PCNX2: variants seen among roughly 807,000 people sequenced by gnomAD.
PCNX2 encodes pecanex 2.
A neutral mutation model predicts 223.8 loss-of-function variants in PCNX2; 168 were observed. The observed-to-expected ratio is 0.75, with a 90% confidence interval of 0.66 to 0.85. The LOEUF (loss-of-function observed/expected upper bound fraction) is 0.85. Ranked by LOEUF, PCNX2 falls within the 40% of genes least tolerant of loss-of-function variation. PCNX2 has a pLI of 0.00. For missense variants in PCNX2, 2,507 were observed against 2,675.5 expected (o/e 0.94, Z 1.39); for synonymous variants, 1,006 against 1,052.6 (o/e 0.96, Z 0.86).
intron 28 of PCNX2, among the ~76,000 whole-genome samples, chr1:233,002,764 G>T (rs1167055090): frequency 6.6e-6 from 1 of 152,136 alleles, no homozygotes. Context: ...ATACTACAAG[G>T]CTACAGTAAC....
At chr1:233,294,312 G>A (rs1572218625) in intron 1 of PCNX2, among the ~76,000 whole-genome samples, 1 of 152,142 alleles carries the variant, frequency 6.6e-6, no homozygotes, top group Non-Finnish European at 1.5e-5. Flanking sequence ...TGAAAAATGA[G>A]ATATGGTAAA....
rs749678054 is a variant in PCNX2 at position 233,227,185 on chromosome 1, G to A, written c.2504+41C>T. The A allele has an allele frequency of 1.9e-6, 3 of 1,560,802 alleles. No homozygotes were observed. In the South Asian group the frequency reaches 3.7e-5, roughly 19 times the overall value. On this transcript the variant is annotated intron_variant, in intron 10 of 33. Coordinates refer to ENST00000258229, the MANE Select transcript of PCNX2 (RefSeq NM_014801.4). ...TGCAGTGGGCACTGTCACGTCCCCG[G>A]TGTGCCTTCCGACAGTGTGTGTGCA...
chr1:232,987,443 T>C (rs1055070497), intron 32 of PCNX2, among the ~76,000 whole-genome samples: 4 of 152,218 alleles, frequency 2.6e-5, no homozygotes, highest in South Asian at 2.1e-4. Flanking sequence ...TAGGGGCTAA[T>C]TGCAAAATAT....
intron 14 of PCNX2, 39 bp downstream of exon 14, chr1:233,200,115 G>T (rs779646600): frequency 4.6e-5 from 67 of 1,450,652 alleles, no homozygotes; most frequent in Non-Finnish European, 5.2e-5. Flanking sequence ...TCTGAACTCT[G>T]AATTCCTTTA....
intron 9 of PCNX2, among the ~76,000 whole-genome samples, chr1:233,233,951 C>T (rs937630524): frequency 2.0e-5 from 3 of 152,108 alleles, no homozygotes; most frequent in African/African-American, 2.4e-5. Flanking sequence ...TCATCCTCCA[C>T]ATTTCAGCTG....
intron 21 of PCNX2, among the ~76,000 whole-genome samples, chr1:233,096,301 A>G (rs1168387731): frequency 6.6e-6 from 1 of 152,218 alleles, no homozygotes; most frequent in African/African-American, 2.4e-5. Context: ...TATCATTGAA[A>G]TGCAAGTTAC....
At chr1:233,152,272 T>C (rs1442012591) in intron 19 of PCNX2, among the ~76,000 whole-genome samples, 1 of 152,242 alleles carries the variant, frequency 6.6e-6, no homozygotes, top group African/African-American at 2.4e-5. Context: ...GCACTTTCCA[T>C]ACCAGTATCA....
At chr1:232,994,714 T>C (rs959997519) in intron 32 of PCNX2, among the ~76,000 whole-genome samples, 6 of 152,034 alleles carry the variant, frequency 3.9e-5, no homozygotes, top group African/African-American at 1.2e-4. Flanking sequence ...TGGGAGGTGA[T>C]TGGATCATGG....
At chr1:233,006,012 G>A (rs1237288019) in intron 28 of PCNX2, among the ~76,000 whole-genome samples, 1 of 152,092 alleles carries the variant, frequency 6.6e-6, no homozygotes, top group Admixed American at 6.6e-5. Flanking sequence ...ATTCCACAGG[G>A]GCAGAGAGGG....
intron 8 of PCNX2, among the ~76,000 whole-genome samples, chr1:233,243,684 C>CA (rs1658921254): frequency 6.6e-6 from 1 of 152,244 alleles, no homozygotes; most frequent in East Asian, 1.9e-4. Flanking sequence ...AAACAAAAGT[C>CA]AACATCTTTT....
chr1:233,130,465 TTGTGTGTGTGTGTGTG>T (rs55865610), intron 21 of PCNX2, among the ~76,000 whole-genome samples: 7 of 136,384 alleles, frequency 5.1e-5, no homozygotes, highest in African/African-American at 1.7e-4. Flanking sequence ...CCCCCAACTT[TTGTGTGTGTGTGTGTG>T]TGTGTGTGTG....
chr1:233,122,493 T>C (rs1437939107), intron 21 of PCNX2, among the ~76,000 whole-genome samples: 6 of 151,852 alleles, frequency 4.0e-5, no homozygotes, highest in Non-Finnish European at 2.9e-5. Context: ...TTAACATTAA[T>C]GGTAATATGA....
intron 21 of PCNX2, among the ~76,000 whole-genome samples, chr1:233,110,788 T>C (rs1185929833): frequency 6.6e-6 from 1 of 151,004 alleles, no homozygotes; most frequent in Non-Finnish European, 1.5e-5. Context: ...ACATATAAAG[T>C]GGTATATTAT....
chr1:233,161,457 G>A (rs1678476673), intron 17 of PCNX2, 94 bp from the exon 18 acceptor site: 2 of 1,074,514 alleles, frequency 1.9e-6, no homozygotes, highest in Non-Finnish European at 2.8e-6. Context: ...ATTGACCCAA[G>A]ATAAACTGTT....
the PCNX2 span, among the ~76,000 whole-genome samples, chr1:233,324,150 A>G: frequency 6.6e-6 from 1 of 152,218 alleles, no homozygotes; most frequent in Non-Finnish European, 1.5e-5. Context: ...AAAGGCTGAG[A>G]GAGGTGAGAA....
chr1:233,237,733 C>G (rs1572131751), intron 8 of PCNX2, among the ~76,000 whole-genome samples: 2 of 152,292 alleles, frequency 1.3e-5, no homozygotes, highest in East Asian at 3.9e-4. Flanking sequence ...AGAATGTCTC[C>G]TAACATAACT....
chr1:233,306,682 T>C, the PCNX2 span, among the ~76,000 whole-genome samples: 1 of 152,338 alleles, frequency 6.6e-6, no homozygotes, highest in East Asian at 1.9e-4. Context: ...AACCAAAATA[T>C]GTGCTTGAAG....
the PCNX2 span, among the ~76,000 whole-genome samples, chr1:233,303,645 AT>A: frequency 6.0e-5 from 5 of 83,870 alleles, no homozygotes; most frequent in African/African-American, 1.8e-4. Context: ...ATCTCCAGGA[AT>A]TTTTTTTTAT....
intron 25 of PCNX2, among the ~76,000 whole-genome samples, chr1:233,053,070 C>G (rs979765248): frequency 2.0e-5 from 3 of 151,980 alleles, no homozygotes; most frequent in African/African-American, 7.3e-5. Context: ...ACACAGCCAC[C>G]AGACCAATCT....
Sources: allele counts gnomAD v4.1 joint callset (sites outside exome capture counted in the v4.1 genomes callset), GRCh38; gene constraint gnomAD v4.1.1; transcripts MANE v1.5; gene names NCBI Gene and HGNC (gene_info 2026-07-23, HGNC 2026-07-21).